The following RBFOX1 variants were observed in gnomAD, a reference collection of about 807,000 sequenced individuals.
RBFOX1 encodes the protein RNA binding fox-1 homolog 1.
RBFOX1 carries 8 observed loss-of-function variants against 57.7 expected under a neutral mutation model. The observed-to-expected ratio is 0.14, with a 90% confidence interval of 0.08 to 0.25. The LOEUF (loss-of-function observed/expected upper bound fraction) is 0.25. RBFOX1 is among the 10% of genes least tolerant of loss of function. The pLI is 1.00. For synonymous variants in RBFOX1, 326 were observed against 222.4 expected (o/e 1.47, Z -4.15); for missense variants, 611 against 548.5 (o/e 1.11, Z -1.14).
At chr16:7,612,821 A>G (rs2141573793) in intron 10 of RBFOX1, among the ~76,000 whole-genome samples, 1 of 152,306 alleles carries the variant, frequency 6.6e-6, no homozygotes, top group South Asian at 2.1e-4. Flanking sequence ...TACACACTGC[A>G]AAGCTCACCC....
chr16:6,599,869 C>G (rs777922663), intron 2 of RBFOX1, among the ~76,000 whole-genome samples: 5 of 152,186 alleles, frequency 3.3e-5, no homozygotes, highest in African/African-American at 4.8e-5. Flanking sequence ...ACTTGTTAGG[C>G]AACTAGAACA....
At chr16:5,454,855 TTTCTTTCTTTCTTTC>T (rs2068544974) in intron 1 of RBFOX1, among the ~76,000 whole-genome samples, 1 of 11,146 alleles carries the variant, frequency 9.0e-5, no homozygotes, top group African/African-American at 2.6e-4. Context: ...CTTTCTTTCT[TTTCTTTCTTTCTTTC>T]TTTCTTTCTT....
chr16:7,206,614 G>C (rs2090033732), intron 4 of RBFOX1, among the ~76,000 whole-genome samples: 1 of 152,156 alleles, frequency 6.6e-6, no homozygotes, highest in African/African-American at 2.4e-5. Flanking sequence ...TCGTACTCAA[G>C]TTGAAGTGCT....
intron 3 of RBFOX1, among the ~76,000 whole-genome samples, chr16:5,794,151 C>T (rs751309604): frequency 7.2e-5 from 11 of 152,086 alleles, no homozygotes; most frequent in Non-Finnish European, 1.2e-4. Context: ...TTTCTTTATC[C>T]GTAAAGTGAG....
intron 3 of RBFOX1, among the ~76,000 whole-genome samples, chr16:7,020,498 C>T (rs987502467): frequency 7.2e-5 from 11 of 152,080 alleles, no homozygotes; most frequent in African/African-American, 2.2e-4. Context: ...GGATTTCAGG[C>T]GTCAGCCACC....
chr16:7,120,616 T>C (rs182062265), intron 4 of RBFOX1, among the ~76,000 whole-genome samples: 64 of 151,648 alleles, frequency 4.2e-4, no homozygotes, highest in African/African-American at 1.5e-3. Context: ...AATAGACTTA[T>C]TTAAAATATC....
At chr16:7,062,317 CAA>C (rs57989614) in intron 4 of RBFOX1, among the ~76,000 whole-genome samples, 198 of 65,316 alleles carry the variant, frequency 3.0e-3, no homozygotes, top group African/African-American at 7.2e-3. Context: ...GACTCCATCT[CAA>C]AAAAAAAAAA....
At chr16:7,301,245 C>A (rs547136289) in intron 4 of RBFOX1, among the ~76,000 whole-genome samples, 67 of 152,272 alleles carry the variant, frequency 4.4e-4, no homozygotes, top group African/African-American at 1.6e-3. Context: ...GAAAAGTGTT[C>A]CTCTGGGCTC....
intron 3 of RBFOX1, among the ~76,000 whole-genome samples, chr16:6,784,346 C>G (rs944082242): frequency 6.6e-6 from 1 of 152,032 alleles, no homozygotes; most frequent in Non-Finnish European, 1.5e-5. Flanking sequence ...TTCAAATAGC[C>G]TCTCTTTGAG....
At chr16:5,848,654 T>A (rs1247477760) in intron 3 of RBFOX1, among the ~76,000 whole-genome samples, 2 of 152,152 alleles carry the variant, frequency 1.3e-5, no homozygotes, top group East Asian at 1.9e-4. Context: ...AACAAGAGCA[T>A]AAACAGCTTA....
At chr16:6,394,225 A>G (rs1348768637) in intron 2 of RBFOX1, among the ~76,000 whole-genome samples, 1 of 152,182 alleles carries the variant, frequency 6.6e-6, no homozygotes, top group Non-Finnish European at 1.5e-5. Flanking sequence ...CAATCTGCTT[A>G]ATTTCATAGT....
intron 4 of RBFOX1, among the ~76,000 whole-genome samples, chr16:5,907,436 G>A (rs1405322309): frequency 6.6e-6 from 1 of 151,940 alleles, no homozygotes; most frequent in Non-Finnish European, 1.5e-5. Flanking sequence ...TTGCACCTTT[G>A]TGATTATATT....
intron 2 of RBFOX1, among the ~76,000 whole-genome samples, chr16:5,552,308 C>T (rs989318442): frequency 2.0e-5 from 3 of 152,180 alleles, no homozygotes; most frequent in Admixed American, 2.0e-4. Context: ...TCCTATGAGG[C>T]TAACATGCAG....
At chr16:5,980,435 T>G (rs146622921) in intron 4 of RBFOX1, among the ~76,000 whole-genome samples, 2 of 152,214 alleles carry the variant, frequency 1.3e-5, no homozygotes, top group African/African-American at 4.8e-5. Flanking sequence ...TGTCTCAGGA[T>G]CCTGCAGGAG....
At chr16:7,129,184 C>G (rs1271845358) in intron 4 of RBFOX1, among the ~76,000 whole-genome samples, 5 of 152,070 alleles carry the variant, frequency 3.3e-5, no homozygotes, top group East Asian at 1.9e-4. Context: ...AAGTCTGGCT[C>G]CAGAGTACAA....
chr16:5,640,981 T>C (rs2048849839), intron 3 of RBFOX1, among the ~76,000 whole-genome samples: 1 of 144,862 alleles, frequency 6.9e-6, no homozygotes, highest in Non-Finnish European at 1.5e-5. Flanking sequence ...CACACATACA[T>C]GCATATCATG....
chr16:7,527,616 C>T (rs551259276), intron 5 of RBFOX1, among the ~76,000 whole-genome samples: 1 of 152,252 alleles, frequency 6.6e-6, no homozygotes, highest in South Asian at 2.1e-4. Flanking sequence ...CATTCCCATT[C>T]TGTCTGACCC....
intron 1 of RBFOX1, among the ~76,000 whole-genome samples, chr16:5,282,965 C>G (rs2063308178): frequency 6.6e-6 from 1 of 152,134 alleles, no homozygotes; most frequent in Non-Finnish European, 1.5e-5. Context: ...GGCCCAGAGG[C>G]CTAGGAAGAA....
At chr16:7,121,256 T>C (rs1270852072) in intron 4 of RBFOX1, among the ~76,000 whole-genome samples, 1 of 152,056 alleles carries the variant, frequency 6.6e-6, no homozygotes, top group Admixed American at 6.6e-5. Flanking sequence ...ACTGGAAATC[T>C]TACTCACTAC....
Sources: gnomAD v4.1 joint callset for allele counts (sites outside exome capture counted in the v4.1 genomes callset) on GRCh38, gnomAD v4.1.1 for gene constraint, MANE v1.5 for transcripts, NCBI Gene and HGNC (gene_info 2026-07-23, HGNC 2026-07-21) for gene names.